OR6X1: variants seen among roughly 807,000 people sequenced by gnomAD.
OR6X1 encodes the protein olfactory receptor family 6 subfamily X member 1.
For missense variants in OR6X1, 354 were observed against 372.2 expected (o/e 0.95, Z 0.40); for synonymous variants, 160 against 149.8 (o/e 1.07, Z -0.50).
In OR6X1 at chr11:123,753,723, A is replaced by G; in HGVS notation, c.796T>C (p.Phe266Leu). The G allele has an allele frequency of 2.5e-6, 4 of 1,614,164 alleles. No homozygotes were observed. The highest frequency in any genetic ancestry group is 3.4e-6 in the Non-Finnish European group (4 of 1,179,998). ...ACAGACACCACCTTATTAATCTTAA[A>G]GGAGGAGTGTGCTGTGGGTCTTAGG... The part of the protein sequence containing the change: ...MYLRPTAHSS[F>L]KINKVVSVLN... Residue 266 changes from phenylalanine (F) to leucine (L), a missense_variant, in exon 1 of 1, where the codon TTT (phenylalanine) becomes CTT (leucine). Transcript: ENST00000327930.
Position 123,754,428 on chromosome 11 carries a change from G to T in OR6X1, c.91C>A (p.Leu31Ile). ...CCTGCAAGGGTTAATATGTAGGTGA[G>T]AAAGATTGCAATAAAGAGAGGTGTT... ...LQTPLFIAIF[L>I]TYILTLAGNG... The change falls in exon 1 of 1, where the codon CTC (leucine) becomes ATC (isoleucine). Residue 31 changes from leucine to isoleucine, a missense_variant. By Grantham distance (5) the Leu-to-Ile change is conservative (BLOSUM62 2). Coordinates refer to ENST00000327930, the MANE Select transcript of OR6X1 (RefSeq NM_001005188.1). 6.2e-7 allele frequency: 1 copy of T among 1,614,114 alleles called. No individual in the cohort carries two copies. Among genetic ancestry groups the T allele is most frequent in the Non-Finnish European group, 8.5e-7 (1 of 1,179,938 alleles).
chr11:123,753,691 A>G lies in OR6X1; in HGVS notation c.828T>C (p.Asn276=). Reference sequence around the variant, plus strand: ...GATTCAGAAGGGGGGTGAGGATAGTATTTAGCACAGACACCACCTTATTAA... The same window carrying G: ...GATTCAGAAGGGGGGTGAGGATAGTGTTTAGCACAGACACCACCTTATTAA... ...FKINKVVSVL[N]TILTPLLNPF... The change falls in exon 1 of 1, where the codon AAT becomes AAC. Residue 276 remains asparagine (N), a synonymous_variant. Transcript: ENST00000327930. 1 of 1,614,020 alleles carries G rather than the reference A, an allele frequency of 6.2e-7. No homozygotes were observed. Among genetic ancestry groups the G allele is most frequent in the Non-Finnish European group, 8.5e-7 (1 of 1,179,946 alleles).
At position 123,753,864 on chromosome 11, in the gene OR6X1, T is replaced by C. The variant is rs1862020992; in HGVS notation, c.655A>G (p.Ile219Val). ...LLFNMISYIYILSAILRIPSA... is the reference protein window; with the variant it reads ...LLFNMISYIYVLSAILRIPSA... ...GGAATTCGTAGGATTGCGGACAGAATGTAGATATAAGAAATCATATTAAAG... is the reference window on the plus strand; with the variant it reads ...GGAATTCGTAGGATTGCGGACAGAACGTAGATATAAGAAATCATATTAAAG... Residue 219 changes from isoleucine (I) to valine (V), a missense_variant, in exon 1 of 1, where the codon ATT becomes GTT. Physicochemically the swap from Ile to Val is conservative, Grantham distance 29. Transcript: ENST00000327930. 1 of 1,614,138 alleles carries C rather than the reference T, an allele frequency of 6.2e-7. No individual in the cohort carries two copies. Among genetic ancestry groups the C allele is most frequent in the Non-Finnish European group, 8.5e-7 (1 of 1,180,028 alleles).
rs1265145364 is a variant in OR6X1 at position 123,753,889 on chromosome 11, G to A, written c.630C>T (p.Leu210=). The A allele has an allele frequency of 1.2e-5, 19 of 1,614,174 alleles. No individual in the cohort carries two copies. Among genetic ancestry groups the A allele is most frequent in the Non-Finnish European group, 1.6e-5 (19 of 1,180,036 alleles). ...TGTAGATATAAGAAATCATATTAAA[G>A]AGAAGTGACCCTGGGATCACAAGGA... ...ATILVIPGSL[L]FNMISYIYIL... The change falls in exon 1 of 1, where the codon CTC becomes CTT. Residue 210 remains leucine, a synonymous_variant. Transcript: ENST00000327930.
chr11:123,753,679 G>A lies in OR6X1; in HGVS notation c.840C>T (p.Thr280=). The change falls in exon 1 of 1, where the codon ACC becomes ACT. Residue 280 remains threonine, a synonymous_variant. Transcript: ENST00000327930. ...TATAAATAAAGGGATTCAGAAGGGG[G>A]GTGAGGATAGTATTTAGCACAGACA... ...KVVSVLNTIL[T]PLLNPFIYTI... 1 of 1,613,888 alleles carries A rather than the reference G, an allele frequency of 6.2e-7. No individual in the cohort carries two copies. The highest frequency in any genetic ancestry group is 8.5e-7 in the Non-Finnish European group (1 of 1,179,844).
rs1862021313 is a variant in OR6X1, at chr11:123,753,900, C to G, written c.619G>C (p.Gly207Arg). 3.7e-6 allele frequency: 6 copies of G among 1,614,136 alleles called. No homozygotes were observed. Among genetic ancestry groups the G allele is most frequent in the Non-Finnish European group, 5.1e-6 (6 of 1,180,032 alleles). Residue 207 changes from glycine to arginine, a missense_variant, in exon 1 of 1, where the codon GGG becomes CGG. Gly to Arg is a moderately radical substitution (Grantham distance 125). Coordinates refer to ENST00000327930, the MANE Select transcript of OR6X1 (RefSeq NM_001005188.1). ...GAAATCATATTAAAGAGAAGTGACC[C>G]TGGGATCACAAGGATGGTTGCTATG... The part of the protein sequence containing the change: ...GVIATILVIP[G>R]SLLFNMISYI...
At position 123,754,323 on chromosome 11, in the gene OR6X1, A is replaced by C. The variant is rs375466547; in HGVS notation, c.196T>G (p.Phe66Val). The change falls in exon 1 of 1, where the codon TTC becomes GTC. Residue 66 changes from phenylalanine to valine, a missense_variant. Coordinates refer to ENST00000327930, the MANE Select transcript of OR6X1 (RefSeq NM_001005188.1). ...PMYFFLCNLS[F>V]LEIWYTTTVI... is the part of the protein sequence containing the mutation. The stretch of plus-strand genomic sequence containing the variant: ...GTGGTGGTGTACCAGATTTCTAAGA[A>C]AGACAAGTTACAAAGGAAGAAGTAC... The C allele has an allele frequency of 6.2e-7, 1 of 1,613,968 alleles. No individual in the cohort carries two copies. The highest frequency in any genetic ancestry group is 8.5e-7 in the Non-Finnish European group (1 of 1,179,946).
In OR6X1 at chr11:123,754,287, T is replaced by A. The variant is rs764130292; in HGVS notation, c.232A>T (p.Lys78Ter). Residue 78 changes from lysine to a stop codon, truncating the protein, a stop_gained, in exon 1 of 1, where the codon AAA becomes TAA. Coordinates refer to ENST00000327930, the MANE Select transcript of OR6X1 (RefSeq NM_001005188.1). LOFTEE classifies it low-confidence loss of function (END_TRUNC). ...GCCACTACAAAGGTTCCTAGCAGTT[T>A]GGGGATGACTGTGGTGGTGTACCAG... ...EIWYTTTVIP[K>*]LLGTFVVART... is the part of the protein sequence containing the mutation. 1.9e-6 allele frequency: 3 copies of A among 1,614,088 alleles called. No individual in the cohort carries two copies. The highest frequency in any genetic ancestry group is 1.7e-6 in the Non-Finnish European group (2 of 1,179,976).
In OR6X1 at chr11:123,754,246, G is replaced by A. The variant is rs774935100; in HGVS notation, c.273C>T (p.Cys91=). The A allele has an allele frequency of 1.2e-6, 2 of 1,614,094 alleles. No individual in the cohort carries two copies. Among genetic ancestry groups the A allele is most frequent in the Non-Finnish European group, 1.7e-6 (2 of 1,180,038 alleles). The change falls in exon 1 of 1, where the codon TGC becomes TGT. Residue 91 remains cysteine (C), a synonymous_variant. Coordinates refer to ENST00000327930, the MANE Select transcript of OR6X1 (RefSeq NM_001005188.1). ...GTFVVARTVI[C]MSCCLLQAFF... ...AGGCCTGCAGCAGGCAGCAGGACAT[G>A]CAGATTACTGTTCTTGCCACTACAA...
In OR6X1 at chr11:123,753,756, A is replaced by G. The variant is rs141719905; in HGVS notation, c.763T>C (p.Phe255Leu). ...TGTGCTGTGGGTCTTAGGTACATGA[A>G]CAGAACAGCCCCGTAGAGCAGGGAG... is the stretch of plus-strand genomic sequence containing the variant. ...VVSLLYGAVL[F>L]MYLRPTAHSS... The change falls in exon 1 of 1, where the codon TTC becomes CTC. Residue 255 changes from phenylalanine to leucine, a missense_variant. By Grantham distance (22) the Phe-to-Leu change is conservative. Coordinates refer to ENST00000327930, the MANE Select transcript of OR6X1 (RefSeq NM_001005188.1). The G allele has an allele frequency of 3.1e-6, 5 of 1,614,174 alleles. No homozygotes were observed. The African/African-American group carries it at 5.3e-5, about 17-fold the overall frequency.
In OR6X1 at chr11:123,754,179, T is replaced by G; in HGVS notation, c.340A>C (p.Thr114Pro). Reference protein sequence around the residue: ...FVGTTEFLILTIMSFDRYLTI... With the variant: ...FVGTTEFLILPIMSFDRYLTI... ...AGGTAGCGGTCAAAAGACATGATAG[T>G]GAGGATCAAGAACTCGGTGGTGCCC... Residue 114 changes from threonine to proline, a missense_variant, in exon 1 of 1, where the codon ACT becomes CCT. Transcript: ENST00000327930. The G allele has an allele frequency of 6.2e-7, 1 of 1,613,842 alleles. No individual in the cohort carries two copies. The highest frequency in any genetic ancestry group is 8.5e-7 in the Non-Finnish European group (1 of 1,179,972).
rs752911919 is a variant in OR6X1 at position 123,754,146 on chromosome 11, A to T, written c.373T>A (p.Cys125Ser). The T allele has an allele frequency of 1.1e-5, 18 of 1,614,002 alleles. No homozygotes were observed. Among genetic ancestry groups the T allele is most frequent in the Admixed American group, 1.7e-5 (1 of 59,988 alleles). Residue 125 changes from cysteine (C) to serine (S), a missense_variant, in exon 1 of 1, where the codon TGC becomes AGC. Transcript: ENST00000327930. ...IMSFDRYLTI[C>S]NPLHHPTIMT... Reference sequence around the variant, plus strand: ...ATGGTGGGGTGGTGAAGGGGATTGCAGATGGTGAGGTAGCGGTCAAAAGAC... The same window carrying T: ...ATGGTGGGGTGGTGAAGGGGATTGCTGATGGTGAGGTAGCGGTCAAAAGAC...
Position 123,754,377 on chromosome 11 carries a change from ACACAG to A in OR6X1, c.137_141del (p.Thr46MetfsTer3). On this transcript the variant is annotated frameshift_variant, in exon 1 of 1. Transcript: ENST00000327930. LOFTEE classifies it low-confidence loss of function (END_TRUNC). ...GGAATTTGTAGCCTGGGCTCAGCCC[ACACAG>A]TGGCAATAATAAGCCCATTGCCTGC... 6.2e-7 allele frequency: 1 copy of A among 1,614,222 alleles called. No homozygotes were observed. Among genetic ancestry groups the A allele is most frequent in the Admixed American group, 1.7e-5 (1 of 60,024 alleles).
chr11:123,754,057 G>C lies in OR6X1; in HGVS notation c.462C>G (p.Val154=), dbSNP rs769930812. 6.2e-7 allele frequency: 1 copy of C among 1,614,136 alleles called. No individual in the cohort carries two copies. Among genetic ancestry groups the C allele is most frequent in the Admixed American group, 1.7e-5 (1 of 60,016 alleles). ...GGATGAGCAGCATCGTCTGACAAAA[G>C]ACAATGGTGAAGCCCACCACCCAGG... ...LSSWVVGFTI[V]FCQTMLLIQL... Residue 154 remains valine, a synonymous_variant, in exon 1 of 1, where the codon GTC becomes GTG. Coordinates refer to ENST00000327930, the MANE Select transcript of OR6X1 (RefSeq NM_001005188.1).
chr11:123,754,215 G>C lies in OR6X1; in HGVS notation c.304C>G (p.His102Asp), dbSNP rs763431663. 1.2e-6 allele frequency: 2 copies of C among 1,613,992 alleles called. No homozygotes were observed. Among genetic ancestry groups the C allele is most frequent in the Non-Finnish European group, 1.7e-6 (2 of 1,179,988 alleles). ...AACTCGGTGGTGCCCACGAAGAAGT[G>C]GAAGAAGGCCTGCAGCAGGCAGCAG... ...MSCCLLQAFF[H>D]FFVGTTEFLI... is the part of the protein sequence containing the mutation. Residue 102 changes from histidine (H) to aspartate (D), a missense_variant, in exon 1 of 1, where the codon CAC (histidine) becomes GAC (aspartate). Physicochemically the swap from His to Asp is moderately conservative, Grantham distance 81 (BLOSUM62 -1). Coordinates refer to ENST00000327930, the MANE Select transcript of OR6X1 (RefSeq NM_001005188.1).
chr11:123,753,583 C>A lies in OR6X1; in HGVS notation c.936G>T (p.Lys312Asn). The A allele has an allele frequency of 6.5e-7, 1 of 1,544,118 alleles. No individual in the cohort carries two copies. The highest frequency in any genetic ancestry group is 8.7e-7 in the Non-Finnish European group (1 of 1,145,522). ...AMTCPKTGHAK is the reference protein window; with the variant it reads ...AMTCPKTGHAN ...TCACTTTGATGTGTTGCATGTTTTA[C>A]TTTGCATGACCAGTCTTTGGGCAAG... The change falls in exon 1 of 1, where the codon AAG (lysine) becomes AAT (asparagine). Residue 312 changes from lysine to asparagine, a missense_variant. Physicochemically the swap from Lys to Asn is moderately conservative, Grantham distance 94. Transcript: ENST00000327930.
chr11:123,753,945 T>G lies in OR6X1; in HGVS notation c.574A>C (p.Ile192Leu), dbSNP rs1385808531. ...SLKAACIDTS[I>L]LELLGVIATI... is the part of the protein sequence containing the mutation. ...GCTATGACGCCCAGGAGTTCCAAAA[T>G]GCTGGTGTCTATGCAGGCGGCTTTC... The change falls in exon 1 of 1, where the codon ATT becomes CTT. Residue 192 changes from isoleucine (I) to leucine (L), a missense_variant. Transcript: ENST00000327930. 3 of 1,614,064 alleles carry G rather than the reference T, an allele frequency of 1.9e-6. No homozygotes were observed. The highest frequency in any genetic ancestry group is 4.5e-5 in the East Asian group (2 of 44,890).
At position 123,753,734 on chromosome 11, in the gene OR6X1, G is replaced by A; in HGVS notation, c.785C>T (p.Ala262Val). ...AVLFMYLRPT[A>V]HSSFKINKVV... ...CTTATTAATCTTAAAGGAGGAGTGTGCTGTGGGTCTTAGGTACATGAACAG... is the reference window on the plus strand; with the variant it reads ...CTTATTAATCTTAAAGGAGGAGTGTACTGTGGGTCTTAGGTACATGAACAG... The change falls in exon 1 of 1, where the codon GCA becomes GTA. Residue 262 changes from alanine (A) to valine (V), a missense_variant. Transcript: ENST00000327930. 1 of 1,614,142 alleles carries A rather than the reference G, an allele frequency of 6.2e-7. No homozygotes were observed. Among genetic ancestry groups the A allele is most frequent in the Non-Finnish European group, 8.5e-7 (1 of 1,180,006 alleles).
In OR6X1 at chr11:123,754,303, G is replaced by T. The variant is rs1862026039; in HGVS notation, c.216C>A (p.Thr72=). The part of the protein sequence containing the change: ...CNLSFLEIWY[T]TTVIPKLLGT... The stretch of plus-strand genomic sequence containing the variant: ...CTAGCAGTTTGGGGATGACTGTGGT[G>T]GTGTACCAGATTTCTAAGAAAGACA... The change falls in exon 1 of 1, where the codon ACC becomes ACA. Residue 72 remains threonine (T), a synonymous_variant. Transcript: ENST00000327930. The T allele has an allele frequency of 6.2e-7, 1 of 1,614,012 alleles. No homozygotes were observed. Among genetic ancestry groups the T allele is most frequent in the Non-Finnish European group, 8.5e-7 (1 of 1,179,904 alleles).
Sources: gnomAD v4.1 joint callset for allele counts on GRCh38, gnomAD v4.1.1 for gene constraint, MANE v1.5 for transcripts, NCBI Gene and HGNC (gene_info 2026-07-23, HGNC 2026-07-21) for gene names.